The following NUBPL variants were observed in gnomAD, a reference collection of about 807,000 sequenced individuals.
The protein encoded by NUBPL is iron-sulfur cluster transfer protein NUBPL.
A neutral mutation model predicts 45.7 loss-of-function variants in NUBPL; 31 were observed. The observed-to-expected ratio is 0.68, with a 90% confidence interval of 0.51 to 0.92. NUBPL has a LOEUF of 0.92. NUBPL is among the 40% of genes least tolerant of loss of function. NUBPL has a pLI of 0.00. For missense variants in NUBPL, 401 were observed against 398.7 expected (o/e 1.01, Z -0.05); for synonymous variants, 144 against 140.9 (o/e 1.02, Z -0.15).
chr14:31,588,556 GT>G (rs2034055469), intron 3 of NUBPL, among the ~76,000 whole-genome samples: 1 of 151,884 alleles, frequency 6.6e-6, no homozygotes. Context: ...ACAAATACTA[GT>G]TTGCTTTTTC....
At chr14:31,584,888 A>G (rs1434665154) in intron 3 of NUBPL, among the ~76,000 whole-genome samples, 1 of 152,206 alleles carries the variant, frequency 6.6e-6, no homozygotes, top group East Asian at 1.9e-4. Flanking sequence ...AAGTGGAAAG[A>G]GAGTGAGAGA....
intron 6 of NUBPL, among the ~76,000 whole-genome samples, chr14:31,724,194 T>A (rs1462086252): frequency 1.3e-5 from 2 of 152,210 alleles, no homozygotes; most frequent in African/African-American, 4.8e-5. Context: ...CTAGTGTATG[T>A]CTTGGCTTTT....
intron 3 of NUBPL, among the ~76,000 whole-genome samples, chr14:31,566,087 A>G (rs1172070023): frequency 6.6e-6 from 1 of 152,152 alleles, no homozygotes; most frequent in African/African-American, 2.4e-5. Flanking sequence ...ATCATTTAAT[A>G]TGTTTAACTG....
intron 3 of NUBPL, among the ~76,000 whole-genome samples, chr14:31,575,393 C>T (rs1423404136): frequency 6.6e-6 from 1 of 152,160 alleles, no homozygotes; most frequent in Non-Finnish European, 1.5e-5. Context: ...GGCTCTGCCT[C>T]CTGCAAACTC....
chr14:31,580,385 G>GA (rs2033829892), intron 3 of NUBPL, among the ~76,000 whole-genome samples: 1 of 152,198 alleles, frequency 6.6e-6, no homozygotes, highest in Non-Finnish European at 1.5e-5. Flanking sequence ...CAACTTAGGA[G>GA]GCTGAACTGG....
chr14:31,594,303 C>G (rs2034225995), intron 3 of NUBPL, among the ~76,000 whole-genome samples: 1 of 152,138 alleles, frequency 6.6e-6, no homozygotes, highest in Non-Finnish European at 1.5e-5. Context: ...GCCTGTAGTC[C>G]TAGTTACTCA....
At chr14:31,753,062 T>G (rs190484302) in intron 6 of NUBPL, among the ~76,000 whole-genome samples, 1 of 152,234 alleles carries the variant, frequency 6.6e-6, no homozygotes, top group East Asian at 1.9e-4. Context: ...CATTTCTAGA[T>G]GAGATTTGGG....
At chr14:31,793,845 T>TTA (rs2039431990) in intron 7 of NUBPL, among the ~76,000 whole-genome samples, 2 of 99,802 alleles carry the variant, frequency 2.0e-5, no homozygotes, top group African/African-American at 4.0e-5. Context: ...TTTTTTATTT[T>TTA]TTTTTTTATT....
intron 4 of NUBPL, among the ~76,000 whole-genome samples, chr14:31,641,581 T>C (rs2035701084): frequency 6.6e-6 from 1 of 152,214 alleles, no homozygotes; most frequent in South Asian, 2.1e-4. Flanking sequence ...CATATGCCTA[T>C]TGAGGAGTAC....
chr14:31,601,926 A>G (rs977367230), intron 4 of NUBPL, among the ~76,000 whole-genome samples: 2 of 152,232 alleles, frequency 1.3e-5, no homozygotes, highest in African/African-American at 4.8e-5. Flanking sequence ...GCTGCTATAA[A>G]GACACGTGCA....
intron 6 of NUBPL, among the ~76,000 whole-genome samples, chr14:31,754,591 C>CTTTTTTTTT (rs59085679): frequency 9.6e-6 from 1 of 103,696 alleles, no homozygotes; most frequent in Non-Finnish European, 1.9e-5. Flanking sequence ...AGAGGGTTTT[C>CTTTTTTTTT]TTTTTTTTTT....
At chr14:31,570,941 T>C (rs2033564957) in intron 3 of NUBPL, among the ~76,000 whole-genome samples, 1 of 152,226 alleles carries the variant, frequency 6.6e-6, no homozygotes, top group African/African-American at 2.4e-5. Context: ...TGAAATCACA[T>C]ACTCCCTTGC....
At chr14:31,789,232 A>G (rs546146138) in intron 7 of NUBPL, among the ~76,000 whole-genome samples, 4 of 152,262 alleles carry the variant, frequency 2.6e-5, no homozygotes, top group African/African-American at 9.6e-5. Context: ...AGGCTGAGGC[A>G]GGAGAATGAC....
intron 4 of NUBPL, among the ~76,000 whole-genome samples, chr14:31,615,926 G>A (rs778273607): frequency 3.3e-5 from 5 of 152,152 alleles, no homozygotes; most frequent in East Asian, 1.9e-4. Context: ...GTGTAAAAGC[G>A]TTCCTATTTC....
chr14:31,585,934 C>G (rs1340847143), intron 3 of NUBPL, among the ~76,000 whole-genome samples: 1 of 152,118 alleles, frequency 6.6e-6, no homozygotes, highest in Non-Finnish European at 1.5e-5. Flanking sequence ...TTTTGTAATG[C>G]TTAACATTAT....
intron 3 of NUBPL, among the ~76,000 whole-genome samples, chr14:31,598,140 T>C (rs1021357167): frequency 2.6e-5 from 4 of 152,160 alleles, no homozygotes; most frequent in Non-Finnish European, 4.4e-5. Context: ...CGTTTTTTCC[T>C]CTGAGGACAC....
At chr14:31,571,236 G>A (rs2033573135) in intron 3 of NUBPL, among the ~76,000 whole-genome samples, 1 of 151,942 alleles carries the variant, frequency 6.6e-6, no homozygotes, top group African/African-American at 2.4e-5. Flanking sequence ...CCTGCACAAG[G>A]ATGCTTGTTG....
intron 8 of NUBPL, among the ~76,000 whole-genome samples, chr14:31,833,868 C>T (rs1033530621): frequency 6.6e-6 from 1 of 152,168 alleles, no homozygotes; most frequent in African/African-American, 2.4e-5. Context: ...AGTCACATGG[C>T]CACATGTCAT....
chr14:31,778,061 A>G (rs2039127867), intron 6 of NUBPL, among the ~76,000 whole-genome samples: 1 of 152,216 alleles, frequency 6.6e-6, no homozygotes, highest in Admixed American at 6.5e-5. Context: ...GCCTCCAACT[A>G]TAATCCATGG....
Sources: gnomAD v4.1 joint callset for allele counts (sites outside exome capture counted in the v4.1 genomes callset) on GRCh38, gnomAD v4.1.1 for gene constraint, MANE v1.5 for transcripts, NCBI Gene and HGNC (gene_info 2026-07-23, HGNC 2026-07-21) for gene names.